Variants in NCAM1 observed in about 807,000 individuals in gnomAD.
NCAM1 encodes antigen recognized by monoclonal antibody 5.1H11.
NCAM1 carries 14 observed loss-of-function variants against 109.8 expected under a neutral mutation model. The ratio of observed to expected loss-of-function variants is 0.13; its 90% CI spans 0.08 to 0.20. The LOEUF is 0.20. Ranked by LOEUF, NCAM1 falls within the 10% of genes least tolerant of loss-of-function variation. The pLI is 1.00. For synonymous variants in NCAM1, 418 were observed against 442.9 expected (o/e 0.94, Z 0.70); for missense variants, 774 against 1,109.9 (o/e 0.70, Z 4.30).
At chr11:113,018,072 G>A (rs549755517) in intron 1 of NCAM1, among the ~76,000 whole-genome samples, 1 of 152,262 alleles carries the variant, frequency 6.6e-6, no homozygotes, top group African/African-American at 2.4e-5. Flanking sequence ...ATACTTCTGA[G>A]GTTTAGATCT....
chr11:113,109,256 G>T (rs1940322049), intron 1 of NCAM1, among the ~76,000 whole-genome samples: 1 of 150,626 alleles, frequency 6.6e-6, no homozygotes, highest in Non-Finnish European at 1.5e-5. Flanking sequence ...GCTGAGGCAT[G>T]AGAATTGCTT....
rs922304632 is a variant in NCAM1 at position 113,224,554 on chromosome 11, A to G, written c.1089+3229A>G. ...GCAGCAGAAACCTCTGCAGACTTAA[A>G]TGTCCCTGTCTGACAGATTGGAAGA... On this transcript the variant is annotated intron_variant, in intron 9 of 19. Coordinates refer to ENST00000316851, the MANE Select transcript of NCAM1 (RefSeq NM_181351.5). Among the ~76,000 whole-genome samples, 6 of 152,342 alleles carry G rather than the reference A, an allele frequency of 3.9e-5. No individual in the cohort carries two copies. In the Middle Eastern group the frequency reaches 0.017, roughly 432 times the overall value.
chr11:113,166,007 A>T (rs12280003), intron 1 of NCAM1, among the ~76,000 whole-genome samples: 32,161 of 150,512 alleles, frequency 0.21, 4,325 homozygotes, highest in African/African-American at 0.37. Flanking sequence ...ATTTTTACTT[A>T]TTTTTAGTAG....
chr11:112,975,496 A>T (rs1318919767), intron 1 of NCAM1, among the ~76,000 whole-genome samples: 1 of 152,044 alleles, frequency 6.6e-6, no homozygotes, highest in African/African-American at 2.4e-5. Context: ...ACAAAAGACA[A>T]TCTTGAAATG....
intron 1 of NCAM1, among the ~76,000 whole-genome samples, chr11:113,098,569 C>T (rs782258228): frequency 4.6e-5 from 7 of 152,020 alleles, no homozygotes; most frequent in African/African-American, 1.5e-4. Context: ...ATATAGTGAT[C>T]ACAGCTAGGA....
At chr11:113,256,088 G>T (rs1305006030) in intron 16 of NCAM1, 87 bp downstream of exon 16, 3 of 1,501,826 alleles carry the variant, frequency 2.0e-6, no homozygotes, top group Non-Finnish European at 2.7e-6. Context: ...AGCCCACGGG[G>T]CAGGGGTGGG....
rs782374331 is a variant in NCAM1 at position 112,961,580 on chromosome 11, G to A, written c.-33G>A. 10 of 1,373,846 alleles carry A rather than the reference G, an allele frequency of 7.3e-6. No individual in the cohort carries two copies. The highest frequency in any genetic ancestry group is 1.0e-5 in the Non-Finnish European group (10 of 963,168). 85.1% of individuals were successfully genotyped at this position (1,373,846 alleles called of 1,614,324 possible). A position where few individuals can be genotyped will look rare whatever the true frequency, so the allele number is the denominator to read the frequency against. On this transcript the variant is annotated 5_prime_UTR_variant, in exon 1 of 20. Coordinates refer to ENST00000316851, the MANE Select transcript of NCAM1 (RefSeq NM_181351.5). ...GGGGGGGGGGCACAGAATTTACCGC[G>A]GCAAGAACATCCCTCCCAGCCAGCA...
intron 1 of NCAM1, among the ~76,000 whole-genome samples, chr11:113,071,096 A>G (rs1161932900): frequency 6.6e-6 from 1 of 152,140 alleles, no homozygotes; most frequent in Non-Finnish European, 1.5e-5. Flanking sequence ...CCTACGGTGA[A>G]AAGTAAAGTC....
Position 113,243,080 on chromosome 11 carries a change from G to A in NCAM1, c.1826-3288G>A, listed in dbSNP as rs537804861. ...ATTATTGGAAGAATACTCCGTGCAT[G>A]AGGAGGCTTTTCCAAATCGACTCTC... On this transcript the variant is annotated intron_variant, in intron 14 of 19. Transcript: ENST00000316851. 21 of 746,438 alleles carry A rather than the reference G, an allele frequency of 2.8e-5. No individual in the cohort carries two copies. The African/African-American group carries it at 4.0e-4, about 14-fold the overall frequency. 46.2% of individuals were successfully genotyped at this position (746,438 alleles called of 1,614,324 possible).
intron 1 of NCAM1, among the ~76,000 whole-genome samples, chr11:113,132,228 T>C (rs1384475704): frequency 6.6e-6 from 1 of 152,160 alleles, no homozygotes; most frequent in African/African-American, 2.4e-5. Flanking sequence ...GCATATTCTG[T>C]GCAGGCTCAT....
At chr11:113,099,767 C>A (rs566123108) in intron 1 of NCAM1, among the ~76,000 whole-genome samples, 1 of 152,162 alleles carries the variant, frequency 6.6e-6, no homozygotes, top group Non-Finnish European at 1.5e-5. Context: ...CAGCTCACTG[C>A]GACCTCCGCC....
At chr11:113,131,129 G>A (rs1472503151) in intron 1 of NCAM1, among the ~76,000 whole-genome samples, 2 of 152,154 alleles carry the variant, frequency 1.3e-5, no homozygotes, top group African/African-American at 4.8e-5. Context: ...TTCAGACCTT[G>A]TGGTCTGATC....
At chr11:113,042,435 C>T (rs1347381408) in intron 1 of NCAM1, among the ~76,000 whole-genome samples, 4 of 152,230 alleles carry the variant, frequency 2.6e-5, no homozygotes, top group African/African-American at 7.2e-5. Flanking sequence ...TGCCTTCTCC[C>T]TTTCTGACTT....
chr11:113,083,353 C>T (rs1362208940), intron 1 of NCAM1, among the ~76,000 whole-genome samples: 1 of 151,842 alleles, frequency 6.6e-6, no homozygotes, highest in South Asian at 2.1e-4. Flanking sequence ...GGTCTTTAGT[C>T]ATTTTAACTG....
chr11:113,184,572 A>G (rs1162212356), intron 1 of NCAM1, among the ~76,000 whole-genome samples: 1 of 152,222 alleles, frequency 6.6e-6, no homozygotes, highest in Non-Finnish European at 1.5e-5. Context: ...CTGATGCCTC[A>G]TACATACCCA....
intron 9 of NCAM1, among the ~76,000 whole-genome samples, chr11:113,226,937 A>G (rs1398212225): frequency 6.6e-6 from 1 of 152,230 alleles, no homozygotes; most frequent in African/African-American, 2.4e-5. Context: ...AGCAGTGTGT[A>G]GAGGGAAATT....
At chr11:112,992,508 T>C (rs1406209415) in intron 1 of NCAM1, among the ~76,000 whole-genome samples, 2 of 149,506 alleles carry the variant, frequency 1.3e-5, no homozygotes, top group Non-Finnish European at 3.0e-5. Flanking sequence ...TTTTTCTTTT[T>C]TTTTTTTTTT....
intron 1 of NCAM1, among the ~76,000 whole-genome samples, chr11:113,162,739 T>C (rs1316181760): frequency 6.6e-6 from 1 of 152,194 alleles, no homozygotes; most frequent in Non-Finnish European, 1.5e-5. Flanking sequence ...CTGTTTGTTC[T>C]TCCTTTGTTA....
chr11:113,264,054 G>C (rs1946079169), intron 17 of NCAM1: 1 of 985,220 alleles, frequency 1.0e-6, no homozygotes, highest in South Asian at 4.7e-5. Flanking sequence ...TTTTGTTAAG[G>C]TCCCTTGTGG....
Sources: allele counts gnomAD v4.1 joint callset (sites outside exome capture counted in the v4.1 genomes callset), GRCh38; gene constraint gnomAD v4.1.1; transcripts MANE v1.5; gene names NCBI Gene and HGNC (gene_info 2026-07-23, HGNC 2026-07-21).